Variants in PDIA5 observed in about 807,000 individuals in gnomAD.
PDIA5 encodes protein disulfide isomerase family A member 5.
PDIA5 carries 58 observed loss-of-function variants against 77.6 expected under a neutral mutation model. That is an observed-to-expected ratio of 0.75 (90% CI 0.61 to 0.93). PDIA5 has a LOEUF of 0.93. Among genes scored for constraint, PDIA5 ranks in the 40% least tolerant of loss-of-function variants. The probability of loss-of-function intolerance (pLI) is 0.00; values close to 1 mark genes in which losing one functional copy is unlikely to be tolerated. For synonymous variants in PDIA5, 250 were observed against 252.1 expected, an observed-to-expected ratio of 0.99 and a Z score of 0.08; for missense variants, 630 against 647.7, an observed-to-expected ratio of 0.97 and a Z score of 0.30.
At chr3:123,142,318 C>T (rs1388049131) in intron 11 of PDIA5, among the ~76,000 whole-genome samples, 2 of 152,224 alleles carry the variant, frequency 1.3e-5, no homozygotes, top group South Asian at 4.1e-4. Flanking sequence ...GCGGTTGCCC[C>T]TGGGAATCTG....
Position 123,089,168 on chromosome 3 carries a change from G to C in PDIA5, c.43G>C (p.Val15Leu), listed in dbSNP as rs759277978. Residue 15 changes from valine to leucine, a missense_variant and splice_region_variant, in exon 2 of 17, where the codon GTG becomes CTG. Physicochemically the swap from Val to Leu is conservative, Grantham distance 32. Coordinates refer to ENST00000316218, the MANE Select transcript of PDIA5 (RefSeq NM_006810.4). ...CAGTCGTTGGCTCCTTGATCCCCAGGTGGTCCTGCCATCATGGCTGTCCTC... is the reference window on the plus strand; with the variant it reads ...CAGTCGTTGGCTCCTTGATCCCCAGCTGGTCCTGCCATCATGGCTGTCCTC... ...GPAWLLLAIWVVLPSWLSSAK... is the reference protein window; with the variant it reads ...GPAWLLLAIWLVLPSWLSSAK... The C allele has an allele frequency of 6.2e-6, 10 of 1,612,756 alleles. No individual in the cohort carries two copies. The highest frequency in any genetic ancestry group is 8.5e-6 in the Non-Finnish European group (10 of 1,179,294).
chr3:123,088,171 A>G (rs1436664061), intron 1 of PDIA5, among the ~76,000 whole-genome samples: 1 of 152,200 alleles, frequency 6.6e-6, no homozygotes, highest in Non-Finnish European at 1.5e-5. Flanking sequence ...ACAGGTGGGC[A>G]AGGGGCTGTT....
chr3:123,147,138 A>C (rs1331359985), intron 13 of PDIA5, among the ~76,000 whole-genome samples: 1 of 152,140 alleles, frequency 6.6e-6, no homozygotes, highest in Non-Finnish European at 1.5e-5. Context: ...GGAGGCTAGA[A>C]GTCAGAGATC....
At position 123,145,508 on chromosome 3, in the gene PDIA5, A is replaced by G. The variant is rs1469656887; in HGVS notation, c.911-14A>G. The G allele has an allele frequency of 4.3e-6, 7 of 1,611,792 alleles. No homozygotes were observed. The highest frequency in any genetic ancestry group is 5.9e-6 in the Non-Finnish European group (7 of 1,177,978). ...TGTGCCATAAGAATGGTTTCTCTTG[A>G]TCTCTCCCCACAGGGTGTGGCCACT... is the stretch of plus-strand genomic sequence containing the variant. On this transcript the variant is annotated splice_polypyrimidine_tract_variant and intron_variant, in intron 11 of 16. Transcript: ENST00000316218.
In PDIA5 at chr3:123,149,566, C is replaced by T. The variant is rs567104266; in HGVS notation, c.1143-668C>T. ...AGGCAGAGTGGAGGGACCCAGTGGA[C>T]AGCAAGAGACTGAGAAGCAATAACA... On this transcript the variant is annotated intron_variant, in intron 13 of 16. Transcript: ENST00000316218. Among the ~76,000 whole-genome samples the T allele has an allele frequency of 3.4e-5, 5 of 147,910 alleles. No individual in the cohort carries two copies. In the South Asian group the frequency reaches 1.1e-3, roughly 34 times the overall value.
At chr3:123,143,262 G>A (rs1167932019) in intron 11 of PDIA5, among the ~76,000 whole-genome samples, 1 of 151,914 alleles carries the variant, frequency 6.6e-6, no homozygotes, top group Non-Finnish European at 1.5e-5. Context: ...GCACATGCCT[G>A]TAGTCCCAGC....
intron 10 of PDIA5, among the ~76,000 whole-genome samples, chr3:123,126,855 G>A (rs993843477): frequency 1.3e-5 from 2 of 152,246 alleles, no homozygotes; most frequent in African/African-American, 4.8e-5. Context: ...GGTGGCACCA[G>A]GTGAGGCAGG....
intron 8 of PDIA5, among the ~76,000 whole-genome samples, chr3:123,122,505 T>A (rs1241925456): frequency 6.6e-6 from 1 of 151,956 alleles, no homozygotes; most frequent in Non-Finnish European, 1.5e-5. Context: ...TGAGGCCTTG[T>A]GCTAGGGACT....
At chr3:123,144,518 G>A (rs1367882190) in intron 11 of PDIA5, 6 of 152,208 alleles carry the variant, frequency 3.9e-5, no homozygotes, top group Non-Finnish European at 8.8e-5. Flanking sequence ...TTTACACAAA[G>A]TGCTTAATTT....
chr3:123,089,640 G>A (rs567413911), intron 2 of PDIA5, among the ~76,000 whole-genome samples: 3 of 152,252 alleles, frequency 2.0e-5, no homozygotes, highest in Non-Finnish European at 2.9e-5. Context: ...CACAGGCATG[G>A]GGCCGAGCCC....
intron 14 of PDIA5, among the ~76,000 whole-genome samples, chr3:123,153,573 C>T (rs1238955212): frequency 6.6e-6 from 1 of 152,198 alleles, no homozygotes; most frequent in Non-Finnish European, 1.5e-5. Context: ...CTAAGCTGTG[C>T]TTGTCTCATT....
rs374348711 is a variant in PDIA5 at position 123,161,936 on chromosome 3, A to G, written c.1536A>G (p.Leu512=). 3.7e-6 allele frequency: 6 copies of G among 1,602,038 alleles called. No individual in the cohort carries two copies. The South Asian group carries it at 6.6e-5, about 18-fold the overall frequency. ...RALREGDHER[L]GKKKEEL Reference sequence around the variant, plus strand: ...TCCGGGAGGGAGACCATGAAAGACTAGGGAAAAAGAAGGAAGAGTTATAAT... The same window carrying G: ...TCCGGGAGGGAGACCATGAAAGACTGGGGAAAAAGAAGGAAGAGTTATAAT... The change falls in exon 17 of 17, where the codon CTA becomes CTG. Residue 512 remains leucine, a synonymous_variant. Coordinates refer to ENST00000316218, the MANE Select transcript of PDIA5 (RefSeq NM_006810.4).
intron 8 of PDIA5, among the ~76,000 whole-genome samples, chr3:123,122,378 C>CT (rs1165372637): frequency 1.3e-5 from 2 of 152,066 alleles, no homozygotes; most frequent in Non-Finnish European, 2.9e-5. Flanking sequence ...CGTTCCAGGG[C>CT]TTCAAGTAAA....
intron 1 of PDIA5, among the ~76,000 whole-genome samples, chr3:123,079,423 G>T (rs900052253): frequency 6.6e-6 from 1 of 151,934 alleles, no homozygotes; most frequent in South Asian, 2.1e-4. Flanking sequence ...CTCGTGATCC[G>T]CCCACCTCGG....
At chr3:123,124,704 T>C (rs547002588) in intron 10 of PDIA5, among the ~76,000 whole-genome samples, 1 of 152,324 alleles carries the variant, frequency 6.6e-6, no homozygotes, top group East Asian at 1.9e-4. Flanking sequence ...TCTTCCCACA[T>C]TTCACATCAA....
At position 123,089,189 on chromosome 3, in the gene PDIA5, T is replaced by C; in HGVS notation, c.64T>C (p.Ser22Pro). ...AIWVVLPSWL[S>P]SAKVSSLIER... ...CCAGGTGGTCCTGCCATCATGGCTG[T>C]CCTCTGCAAAGGTCTCCTCGCTCAT... Residue 22 changes from serine to proline, a missense_variant, in exon 2 of 17, where the codon TCC (serine) becomes CCC (proline). Transcript: ENST00000316218. 1 of 1,614,014 alleles carries C rather than the reference T, an allele frequency of 6.2e-7. No homozygotes were observed. Among genetic ancestry groups the C allele is most frequent in the Non-Finnish European group, 8.5e-7 (1 of 1,179,908 alleles).
At chr3:123,161,687 C>T in intron 16 of PDIA5, 193 bp from the exon 17 acceptor site, 2 of 649,638 alleles carry the variant, frequency 3.1e-6, no homozygotes, top group East Asian at 5.5e-5. Context: ...ACTCCAGATG[C>T]CGAGGGTTTT....
intron 3 of PDIA5, among the ~76,000 whole-genome samples, chr3:123,100,095 C>T (rs1479675473): frequency 3.3e-5 from 5 of 152,306 alleles, no homozygotes; most frequent in Non-Finnish European, 7.4e-5. Context: ...GTTGGGTGGA[C>T]GGTAGGTGGT....
intron 15 of PDIA5, among the ~76,000 whole-genome samples, chr3:123,156,838 G>A (rs540474329): frequency 2.0e-5 from 3 of 152,124 alleles, no homozygotes; most frequent in Non-Finnish European, 2.9e-5. Context: ...CCCCATTGAC[G>A]TGGCCCCTTT....
Sources: allele counts gnomAD v4.1 joint callset (sites outside exome capture counted in the v4.1 genomes callset), GRCh38; gene constraint gnomAD v4.1.1; transcripts MANE v1.5; gene names NCBI Gene and HGNC (gene_info 2026-07-23, HGNC 2026-07-21).